Variants in ABCC4 observed in about 807,000 individuals in gnomAD.
ABCC4 encodes ATP-binding cassette sub-family C member 4.
Under a neutral mutation model 168.5 loss-of-function variants are expected in ABCC4, and 102 were observed. The ratio of observed to expected loss-of-function variants is 0.61; its 90% CI spans 0.52 to 0.71. The LOEUF (loss-of-function observed/expected upper bound fraction) is 0.71, where lower values mean the gene tolerates loss of function less well. ABCC4 is among the 30% of genes least tolerant of loss of function. The probability of loss-of-function intolerance (pLI) is 0.00; values close to 1 mark genes in which losing one functional copy is unlikely to be tolerated. For synonymous variants in ABCC4, 617 were observed against 590.7 expected (o/e 1.04, Z -0.65); for missense variants, 1,402 against 1,605.8 (o/e 0.87, Z 2.17).
intron 13 of ABCC4, among the ~76,000 whole-genome samples, chr13:95,176,241 G>GT (rs2037693679): frequency 2.5e-5 from 2 of 79,600 alleles, no homozygotes; most frequent in African/African-American, 4.2e-5. Context: ...GGGGGGGGGG[G>GT]GGGGTGGATC....
chr13:95,291,383 A>G lies in ABCC4; in HGVS notation c.74+9858T>C, dbSNP rs547135059. 5.9e-4 allele frequency among the ~76,000 whole-genome samples: 88 copies of G among 150,254 alleles called. 2 individuals carry two copies. The highest frequency in any genetic ancestry group is 3.5e-3 in the Middle Eastern group (1 of 282). ...AAAAAAAAAAAAGACAGAAGTGCCCAGGTGATCCAATACTCCAATACCTCT... is the reference window on the plus strand; with the variant it reads ...AAAAAAAAAAAAGACAGAAGTGCCCGGGTGATCCAATACTCCAATACCTCT... On this transcript the variant is annotated intron_variant, in intron 1 of 30. Transcript: ENST00000645237.
At chr13:95,259,111 G>T (rs562956435) in intron 1 of ABCC4, among the ~76,000 whole-genome samples, 61 of 152,204 alleles carry the variant, frequency 4.0e-4, no homozygotes, top group African/African-American at 1.5e-3. Flanking sequence ...CCCCGGCTGG[G>T]CATGGTGGCT....
chr13:95,050,545 T>G (rs1258069373), intron 27 of ABCC4, among the ~76,000 whole-genome samples: 1 of 152,196 alleles, frequency 6.6e-6, no homozygotes, highest in Non-Finnish European at 1.5e-5. Flanking sequence ...ATAAGAATGA[T>G]TAAAAACAGC....
In ABCC4 at chr13:95,285,707, A is replaced by G. The variant is rs142104582; in HGVS notation, c.74+15534T>C. On this transcript the variant is annotated intron_variant, in intron 1 of 30. Coordinates refer to ENST00000645237, the MANE Select transcript of ABCC4 (RefSeq NM_005845.5). ...GCTAAGGGAACAGGACAGCAAATAT[A>G]AGGTGTGATCAGGGGAAAGGCATCA... 3.5e-3 allele frequency among the ~76,000 whole-genome samples: 532 copies of G among 152,270 alleles called. 6 individuals carry two copies. The highest frequency in any genetic ancestry group is 5.4e-3 in the Non-Finnish European group (364 of 68,026).
At position 95,171,206 on chromosome 13, in the gene ABCC4, ACTT is replaced by A. The variant is rs377234749; in HGVS notation, c.1728-581_1728-579del. Among the ~76,000 whole-genome samples the A allele has an allele frequency of 5.9e-5, 9 of 151,968 alleles. No individual in the cohort carries two copies. In the South Asian group the frequency reaches 1.9e-3, roughly 32 times the overall value. Reference sequence around the variant, plus strand: ...TTCTTGGTCTCATCCAGGAAGCAAAACTTCTCTCATTAGTCCTAAACAGTCTGA... The same window carrying A: ...TTCTTGGTCTCATCCAGGAAGCAAAACTCTCATTAGTCCTAAACAGTCTGA... On this transcript the variant is annotated intron_variant, in intron 13 of 30. Transcript: ENST00000645237.
At chr13:95,075,221 G>T (rs1237697935) in intron 22 of ABCC4, 3 of 583,588 alleles carry the variant, frequency 5.1e-6, no homozygotes, top group Non-Finnish European at 8.9e-6. Flanking sequence ...AAGCCAGTCA[G>T]GGGGCACAAA....
At position 95,181,604 on chromosome 13, in the gene ABCC4, G is replaced by A. The variant is rs999017145; in HGVS notation, c.1546-3513C>T. Among the ~76,000 whole-genome samples the A allele has an allele frequency of 5.3e-5, 8 of 152,344 alleles. No individual in the cohort carries two copies. The East Asian group carries it at 1.3e-3, about 26-fold the overall frequency. On this transcript the variant is annotated intron_variant, in intron 11 of 30. Coordinates refer to ENST00000645237, the MANE Select transcript of ABCC4 (RefSeq NM_005845.5). ...TTGCTCCACAGGTCAGCTCCTGGATGTAAGAGCTATGCACCAACCACTGTT... is the reference window on the plus strand; with the variant it reads ...TTGCTCCACAGGTCAGCTCCTGGATATAAGAGCTATGCACCAACCACTGTT...
At chr13:95,193,669 C>G (rs1460508958) in intron 9 of ABCC4, among the ~76,000 whole-genome samples, 1 of 152,232 alleles carries the variant, frequency 6.6e-6, no homozygotes, top group African/African-American at 2.4e-5. Context: ...CCAGCCCAAT[C>G]TGGTTCAACT....
At position 95,178,060 on chromosome 13, in the gene ABCC4, G is replaced by T; in HGVS notation, c.1577C>A (p.Thr526Asn). The change falls in exon 12 of 31, where the codon ACT (threonine) becomes AAT (asparagine). Residue 526 changes from threonine to asparagine, a missense_variant. Physicochemically the swap from Thr to Asn is moderately conservative, Grantham distance 65. Transcript: ENST00000645237. ...CGTGGTTCCCCGATCTCCTATCACA[G>T]TCAGATCACCATCCTCCAACAGCTG... ...DLQLLEDGDL[T>N]VIGDRGTTLS... 4.3e-6 allele frequency: 7 copies of T among 1,614,160 alleles called. No homozygotes were observed. The highest frequency in any genetic ancestry group is 5.9e-6 in the Non-Finnish European group (7 of 1,180,016).
chr13:95,047,476 CTTTTT>C (rs71111586), intron 27 of ABCC4, among the ~76,000 whole-genome samples: 4 of 83,370 alleles, frequency 4.8e-5, no homozygotes, highest in Admixed American at 3.5e-4. Flanking sequence ...ACTGCCTATT[CTTTTT>C]TTTTTTTTTT....
intron 1 of ABCC4, among the ~76,000 whole-genome samples, chr13:95,272,512 A>C (rs374702757): frequency 3.7e-4 from 57 of 152,374 alleles, no homozygotes; most frequent in African/African-American, 1.3e-3. Context: ...CATGAAATCT[A>C]AATTAATCCT....
At chr13:95,219,194 C>T (rs1322134041) in intron 4 of ABCC4, among the ~76,000 whole-genome samples, 1 of 152,136 alleles carries the variant, frequency 6.6e-6, no homozygotes, top group South Asian at 2.1e-4. Flanking sequence ...GGCCACATCC[C>T]CCCACCATGG....
intron 30 of ABCC4, among the ~76,000 whole-genome samples, chr13:95,023,027 A>G (rs757001716): frequency 6.8e-4 from 104 of 152,298 alleles, no homozygotes; most frequent in Middle Eastern, 6.8e-3. Flanking sequence ...ATTTCATATC[A>G]TCTCCCTCTC....
intron 1 of ABCC4, among the ~76,000 whole-genome samples, chr13:95,252,886 T>A (rs1264135507): frequency 6.6e-6 from 1 of 152,194 alleles, no homozygotes; most frequent in Non-Finnish European, 1.5e-5. Flanking sequence ...TATGTTTCCT[T>A]CCATGAACTT....
rs2038604026 is a variant in ABCC4 at position 95,200,824 on chromosome 13, T to C, written c.1161+5708A>G. On this transcript the variant is annotated intron_variant, in intron 8 of 30. Coordinates refer to ENST00000645237, the MANE Select transcript of ABCC4 (RefSeq NM_005845.5). Reference sequence around the variant, plus strand: ...TAGTTTTAATCAGTGCATCAGGTAATTCTGATGAACTTGGGGACAAAATTT... The same window carrying C: ...TAGTTTTAATCAGTGCATCAGGTAACTCTGATGAACTTGGGGACAAAATTT... Among the ~76,000 whole-genome samples, 4 of 152,292 alleles carry C rather than the reference T, an allele frequency of 2.6e-5. No homozygotes were observed. In the South Asian group the frequency reaches 6.2e-4, roughly 24 times the overall value.
chr13:95,270,741 A>T (rs1310219977), intron 1 of ABCC4, among the ~76,000 whole-genome samples: 1 of 152,232 alleles, frequency 6.6e-6, no homozygotes, highest in Non-Finnish European at 1.5e-5. Context: ...CACACTGAGT[A>T]GGGAAGCTAC....
chr13:95,025,262 C>T (rs2031403809), intron 30 of ABCC4, among the ~76,000 whole-genome samples: 1 of 45,126 alleles, frequency 2.2e-5, no homozygotes, highest in Non-Finnish European at 4.1e-5. Context: ...CACACACACA[C>T]CCCCACACCC....
chr13:95,240,679 T>A (rs2039915934), intron 3 of ABCC4, among the ~76,000 whole-genome samples: 1 of 152,050 alleles, frequency 6.6e-6, no homozygotes, highest in Admixed American at 6.6e-5. Context: ...CTATTATATT[T>A]TATATTTTTG....
chr13:95,230,608 C>G (rs1306367606), intron 4 of ABCC4, among the ~76,000 whole-genome samples: 2 of 152,154 alleles, frequency 1.3e-5, no homozygotes, highest in Non-Finnish European at 2.9e-5. Flanking sequence ...AACCCTGTCT[C>G]TATTAAAAAT....
Sources: gnomAD v4.1 joint callset for allele counts (sites outside exome capture counted in the v4.1 genomes callset) on GRCh38, gnomAD v4.1.1 for gene constraint, MANE v1.5 for transcripts, NCBI Gene and HGNC (gene_info 2026-07-23, HGNC 2026-07-21) for gene names.